The following AHCYL2 variants were observed in gnomAD, a reference collection of about 807,000 sequenced individuals.
AHCYL2 encodes S-adenosylhomocysteine hydrolase-like protein 2.
In AHCYL2, 28 loss-of-function variants were observed where a neutral mutation model predicts 81.4. The observed-to-expected ratio is 0.34, with a 90% CI of 0.25 to 0.47. The LOEUF (loss-of-function observed/expected upper bound fraction) is 0.47, where lower values mean the gene tolerates loss of function less well. Ranked by LOEUF, AHCYL2 falls within the 20% of genes least tolerant of loss-of-function variation. The probability of loss-of-function intolerance (pLI) is 1.00; values close to 1 mark genes in which losing one functional copy is unlikely to be tolerated. For missense variants in AHCYL2, 551 were observed against 785.1 expected (o/e 0.70, Z 3.56); for synonymous variants, 272 against 290.2 (o/e 0.94, Z 0.64).
At chr7:129,372,203 C>G (rs1794443619) in intron 1 of AHCYL2, among the ~76,000 whole-genome samples, 1 of 152,140 alleles carries the variant, frequency 6.6e-6, no homozygotes, top group African/African-American at 2.4e-5. Flanking sequence ...GTTTTCAAAA[C>G]CCTCTCACAT....
At chr7:129,367,178 T>A (rs1316756103) in intron 1 of AHCYL2, among the ~76,000 whole-genome samples, 3 of 152,178 alleles carry the variant, frequency 2.0e-5, no homozygotes, top group Admixed American at 2.0e-4. Context: ...GCTTAGTGAT[T>A]TTGGGGGCCC....
At chr7:129,297,881 G>A (rs1221431083) in intron 1 of AHCYL2, among the ~76,000 whole-genome samples, 1 of 152,072 alleles carries the variant, frequency 6.6e-6, no homozygotes, top group Non-Finnish European at 1.5e-5. Context: ...AAATTAGCCC[G>A]ACATGGTGGT....
At chr7:129,339,324 G>A (rs1217502178) in intron 1 of AHCYL2, among the ~76,000 whole-genome samples, 1 of 152,132 alleles carries the variant, frequency 6.6e-6, no homozygotes, top group Non-Finnish European at 1.5e-5. Flanking sequence ...ACCTAAAAAT[G>A]TATGTAGTCT....
At chr7:129,307,061 A>G (rs1000095109) in intron 1 of AHCYL2, among the ~76,000 whole-genome samples, 4 of 152,134 alleles carry the variant, frequency 2.6e-5, no homozygotes, top group Non-Finnish European at 5.9e-5. Context: ...GAAGCCAGTA[A>G]AGTGTTGAAT....
At position 129,336,966 on chromosome 7, in the gene AHCYL2, C is replaced by T. The variant is rs545268838; in HGVS notation, c.364-42672C>T. ...CTCATCATGTTGCCTAGGCTAGTCT[C>T]GAACTCCTGGACTCAAGTGATCCTT... is the stretch of plus-strand genomic sequence containing the variant. On this transcript the variant is annotated intron_variant, in intron 1 of 16. Coordinates refer to ENST00000325006, the MANE Select transcript of AHCYL2 (RefSeq NM_015328.4). Among the ~76,000 whole-genome samples, 35 of 152,194 alleles carry T rather than the reference C, an allele frequency of 2.3e-4. 1 individual carries two copies. The South Asian group carries it at 3.3e-3, about 14-fold the overall frequency.
intron 1 of AHCYL2, among the ~76,000 whole-genome samples, chr7:129,252,896 T>C (rs1354387136): frequency 6.6e-6 from 1 of 151,956 alleles, no homozygotes; most frequent in Non-Finnish European, 1.5e-5. Context: ...ACTCAGCAGG[T>C]GGGCTCTTGG....
chr7:129,231,884 C>G (rs566745372), intron 1 of AHCYL2, among the ~76,000 whole-genome samples: 1 of 151,890 alleles, frequency 6.6e-6, no homozygotes, highest in African/African-American at 2.4e-5. Context: ...TGCAACAGTT[C>G]AGTTAGCTAT....
intron 7 of AHCYL2, 82 bp from the exon 8 acceptor site, chr7:129,405,015 C>A: frequency 1.2e-6 from 1 of 810,526 alleles, no homozygotes; most frequent in Non-Finnish European, 1.9e-6. Flanking sequence ...ACCCAATCAA[C>A]GTATTTCTGG....
chr7:129,252,865 G>A lies in AHCYL2; in HGVS notation c.363+27426G>A, dbSNP rs181734243. ...ATAGCAGAGATCATGACAAGTCTGT[G>A]TCCCACTTGAAGATTAGAAGACTCA... On this transcript the variant is annotated intron_variant, in intron 1 of 16. Transcript: ENST00000325006. 1.3e-3 allele frequency among the ~76,000 whole-genome samples: 191 copies of A among 152,160 alleles called. 2 individuals are homozygous for A. Among genetic ancestry groups the A allele is most frequent in the African/African-American group, 3.6e-3 (150 of 41,498 alleles).
chr7:129,333,347 A>G (rs1798488382), intron 1 of AHCYL2, among the ~76,000 whole-genome samples: 1 of 151,608 alleles, frequency 6.6e-6, no homozygotes, highest in Non-Finnish European at 1.5e-5. Flanking sequence ...TTTAAGTTCC[A>G]AGGTGTCTAA....
In AHCYL2 at chr7:129,427,144, A is replaced by G. The variant is rs763133675; in HGVS notation, c.*99A>G. On this transcript the variant is annotated 3_prime_UTR_variant, in exon 17 of 17. Transcript: ENST00000325006. This position sits in a 1 kb window ranked among gnomAD's most constrained non-coding sequence, Gnocchi z 5.5. ...ATTCAGCAAGCTGCTTCTCCAATCA[A>G]AGCTGCCTGCCGTGCTCACCCTGTG... 58 of 1,272,712 alleles carry G rather than the reference A, an allele frequency of 4.6e-5. No homozygotes were observed. The highest frequency in any genetic ancestry group is 2.4e-4 in the Admixed American group (13 of 55,060). The allele number at this position is 1,272,712 out of a possible 1,614,324, so 78.8% of individuals were successfully genotyped here.
At chr7:129,391,505 A>AT (rs1409919984) in intron 4 of AHCYL2, among the ~76,000 whole-genome samples, 1 of 152,196 alleles carries the variant, frequency 6.6e-6, no homozygotes, top group Non-Finnish European at 1.5e-5. Flanking sequence ...CTAAATGCCA[A>AT]TAGCACTCCC....
chr7:129,392,896 A>G (rs1008581630), intron 4 of AHCYL2, among the ~76,000 whole-genome samples: 1 of 152,198 alleles, frequency 6.6e-6, no homozygotes, highest in African/African-American at 2.4e-5. Flanking sequence ...AAGATTACAG[A>G]TGAATTATTT....
At chr7:129,395,532 G>A (rs73721729) in intron 4 of AHCYL2, among the ~76,000 whole-genome samples, 1,957 of 152,234 alleles carry the variant, frequency 0.013, 42 homozygotes, top group African/African-American at 0.045. Context: ...GAACTGTCCT[G>A]GGCCCAAGAG....
intron 1 of AHCYL2, among the ~76,000 whole-genome samples, chr7:129,345,292 CTGCCACCTG>C (rs1465771253): frequency 6.6e-6 from 1 of 152,146 alleles, no homozygotes; most frequent in Admixed American, 6.5e-5. Context: ...TAAAGTAAGT[CTGCCACCTG>C]AAGGTGAAGA....
At position 129,353,602 on chromosome 7, in the gene AHCYL2, G is replaced by T. The variant is rs112890716; in HGVS notation, c.364-26036G>T. Among the ~76,000 whole-genome samples the T allele has an allele frequency of 5.9e-3, 889 of 149,658 alleles. 10 individuals carry two copies. Among genetic ancestry groups the T allele is most frequent in the African/African-American group, 0.021 (855 of 40,490 alleles). ...CGTCTCCCTTATTAGATAAAAATAA[G>T]CAAATAATTTTAGATGTGTTAAGAT... is the stretch of plus-strand genomic sequence containing the variant. On this transcript the variant is annotated intron_variant, in intron 1 of 16. Transcript: ENST00000325006.
chr7:129,371,255 ATCT>A (rs1482766773), intron 1 of AHCYL2, among the ~76,000 whole-genome samples: 1 of 152,238 alleles, frequency 6.6e-6, no homozygotes, highest in Non-Finnish European at 1.5e-5. Context: ...AGTCTCTCAA[ATCT>A]TCTTTCAGGA....
At chr7:129,424,491 T>A (rs1404939218) in intron 13 of AHCYL2, among the ~76,000 whole-genome samples, 1 of 152,202 alleles carries the variant, frequency 6.6e-6, no homozygotes, top group Admixed American at 6.5e-5. Flanking sequence ...TGTCCCTGGA[T>A]TTGACTGATC....
At chr7:129,367,006 TG>T (rs1339821923) in intron 1 of AHCYL2, among the ~76,000 whole-genome samples, 3 of 152,210 alleles carry the variant, frequency 2.0e-5, no homozygotes, top group Middle Eastern at 3.4e-3. Context: ...TTCCAGGTCA[TG>T]GGTAGATAAG....
Sources: allele counts gnomAD v4.1 joint callset (sites outside exome capture counted in the v4.1 genomes callset), GRCh38; gene constraint gnomAD v4.1.1; non-coding constraint Gnocchi (gnomAD v3.1); transcripts MANE v1.5; gene names NCBI Gene and HGNC (gene_info 2026-07-23, HGNC 2026-07-21).